DNER: variants seen among roughly 807,000 people sequenced by gnomAD.
DNER encodes delta and Notch-like epidermal growth factor-related receptor.
In DNER, 33 loss-of-function variants were observed where a neutral mutation model predicts 78.2. That is an observed-to-expected ratio of 0.42 (90% CI 0.32 to 0.56). The LOEUF (loss-of-function observed/expected upper bound fraction) is 0.56, where lower values mean the gene tolerates loss of function less well. DNER is among the 20% of genes least tolerant of loss of function. The pLI is 0.11. For missense variants in DNER, 918 were observed against 975.3 expected (o/e 0.94, Z 0.78); for synonymous variants, 417 against 384.8 (o/e 1.08, Z -0.98).
intron 1 of DNER, among the ~76,000 whole-genome samples, chr2:229,631,263 G>A: frequency 6.6e-6 from 1 of 152,142 alleles, no homozygotes. Context: ...GGCTGGCCTG[G>A]AAAAGACCAG....
At chr2:229,388,474 T>C (rs2106336104) in intron 10 of DNER, 78 bp from the exon 11 acceptor site, 1 of 1,503,840 alleles carries the variant, frequency 6.6e-7, no homozygotes, top group African/African-American at 1.4e-5. Flanking sequence ...AAAATAAAGA[T>C]CCAAGGCTAG....
chr2:229,531,799 T>A (rs1280617232), intron 5 of DNER, among the ~76,000 whole-genome samples: 1 of 152,170 alleles, frequency 6.6e-6, no homozygotes, highest in East Asian at 1.9e-4. Context: ...GGTATATCCA[T>A]ACAATGGAAC....
chr2:229,706,534 G>T (rs1699830683), intron 1 of DNER, among the ~76,000 whole-genome samples: 1 of 152,114 alleles, frequency 6.6e-6, no homozygotes, highest in Non-Finnish European at 1.5e-5. Flanking sequence ...CTGCACTACA[G>T]CCTGGGTGAC....
intron 7 of DNER, among the ~76,000 whole-genome samples, chr2:229,449,850 C>A (rs1260856121): frequency 6.6e-6 from 1 of 152,236 alleles, no homozygotes. Context: ...ATGGCACAAT[C>A]TTGGCTCACT....
chr2:229,580,291 A>ACATTCTTATC (rs1697369517), intron 4 of DNER: 1 of 152,168 alleles, frequency 6.6e-6, no homozygotes, highest in South Asian at 2.1e-4. Context: ...TCCAACAAGG[A>ACATTCTTATC]CATTCTTATC....
intron 12 of DNER, among the ~76,000 whole-genome samples, chr2:229,363,404 G>T (rs575662751): frequency 1.0e-3 from 157 of 152,292 alleles, no homozygotes; most frequent in African/African-American, 3.3e-3. Context: ...AACATCAAAA[G>T]GTCTAAGTTT....
intron 9 of DNER, among the ~76,000 whole-genome samples, chr2:229,413,844 T>C (rs975124554): frequency 6.6e-6 from 1 of 151,756 alleles, no homozygotes; most frequent in Non-Finnish European, 1.5e-5. Flanking sequence ...AGTATATATA[T>C]AAAGTAAAAA....
intron 6 of DNER, among the ~76,000 whole-genome samples, chr2:229,488,456 T>C (rs1242767790): frequency 1.3e-5 from 2 of 152,254 alleles, no homozygotes; most frequent in African/African-American, 4.8e-5. Flanking sequence ...CATATGCATG[T>C]ATATGAGTGC....
intron 1 of DNER, among the ~76,000 whole-genome samples, chr2:229,672,006 A>G (rs1699217241): frequency 6.6e-6 from 1 of 152,190 alleles, no homozygotes; most frequent in Admixed American, 6.5e-5. Context: ...AAAGAAAGGG[A>G]GAATTAAACT....
At chr2:229,576,328 CTTTTTTT>C (rs61419138) in intron 4 of DNER, among the ~76,000 whole-genome samples, 1 of 118,112 alleles carries the variant, frequency 8.5e-6, no homozygotes. Flanking sequence ...GTTTCTCTCT[CTTTTTTT>C]TTTTTTTTTT....
chr2:229,362,092 C>G (rs1023844623), intron 12 of DNER, among the ~76,000 whole-genome samples: 1 of 152,178 alleles, frequency 6.6e-6, no homozygotes, highest in Admixed American at 6.5e-5. Flanking sequence ...GAAAAAATAG[C>G]TCAAATACCC....
rs185632513 is a variant in DNER, at chr2:229,423,476, G to A, written c.1487-5246C>T. Among the ~76,000 whole-genome samples, 429 of 151,950 alleles carry A rather than the reference G, an allele frequency of 2.8e-3. 1 individual carries two copies. The highest frequency in any genetic ancestry group is 9.7e-3 in the African/African-American group (400 of 41,440). On this transcript the variant is annotated intron_variant, in intron 8 of 12. Coordinates refer to ENST00000341772, the MANE Select transcript of DNER (RefSeq NM_139072.4). ...CTAAAAATACAAAAAGTAGCCAGGC[G>A]TGGTGGTGGGCGCCTGTAATCCCAG...
At chr2:229,501,197 T>C (rs916343704) in intron 6 of DNER, among the ~76,000 whole-genome samples, 6 of 151,902 alleles carry the variant, frequency 3.9e-5, no homozygotes, top group African/African-American at 1.5e-4. Context: ...ATACAAAATC[T>C]CAGGAGGAAT....
intron 1 of DNER, among the ~76,000 whole-genome samples, chr2:229,613,943 G>T (rs957102000): frequency 1.4e-5 from 2 of 146,852 alleles, no homozygotes; most frequent in Non-Finnish European, 3.0e-5. Context: ...ACCAAACACC[G>T]CATGTTCTCA....
chr2:229,458,135 C>CAA lies in DNER; in HGVS notation c.1262-10597_1262-10596dup, dbSNP rs61340733. On this transcript the variant is annotated intron_variant, in intron 7 of 12. Coordinates refer to ENST00000341772, the MANE Select transcript of DNER (RefSeq NM_139072.4). Reference sequence around the variant, plus strand: ...TGGGTCACAGAGCAAGACTCTATCTCAAAAAAAAAAAAAAAAAAAAAAAAA... The same window carrying CAA: ...TGGGTCACAGAGCAAGACTCTATCTCAAAAAAAAAAAAAAAAAAAAAAAAAAA... Among the ~76,000 whole-genome samples the CAA allele has an allele frequency of 2.6e-3, 46 of 17,712 alleles. 8 individuals are homozygous for CAA. The highest frequency in any genetic ancestry group is 0.011 in the South Asian group (2 of 182). The allele number at this position is 17,712 out of a possible 152,430, so 11.6% of individuals were successfully genotyped here.
At chr2:229,596,691 A>T (rs1366428690) in intron 1 of DNER, among the ~76,000 whole-genome samples, 1 of 152,268 alleles carries the variant, frequency 6.6e-6, no homozygotes, top group African/African-American at 2.4e-5. Context: ...AGCCAGAAAG[A>T]AAATATGATG....
At chr2:229,453,820 T>C (rs1167078872) in intron 7 of DNER, among the ~76,000 whole-genome samples, 1 of 145,574 alleles carries the variant, frequency 6.9e-6, no homozygotes, top group Non-Finnish European at 1.5e-5. Flanking sequence ...CAGGGACAGA[T>C]AAATGGACAG....
chr2:229,432,500 TATAGA>T (rs1223987196), intron 8 of DNER, among the ~76,000 whole-genome samples: 3 of 152,184 alleles, frequency 2.0e-5, no homozygotes, highest in Admixed American at 2.0e-4. Flanking sequence ...GGTATAAAAG[TATAGA>T]AGAGTTTTAA....
At chr2:229,373,710 T>A (rs535317082) in intron 11 of DNER, among the ~76,000 whole-genome samples, 1 of 152,248 alleles carries the variant, frequency 6.6e-6, no homozygotes, top group Non-Finnish European at 1.5e-5. Flanking sequence ...AAAGATGGAT[T>A]GAATAAAGAA....
Sources: allele counts gnomAD v4.1 joint callset (sites outside exome capture counted in the v4.1 genomes callset), GRCh38; gene constraint gnomAD v4.1.1; transcripts MANE v1.5; gene names NCBI Gene and HGNC (gene_info 2026-07-23, HGNC 2026-07-21).